IGSF10: variants seen among roughly 807,000 people sequenced by gnomAD.
The protein encoded by IGSF10 is immunoglobulin superfamily member 10.
IGSF10 carries 126 observed loss-of-function variants against 128.2 expected under a neutral mutation model. That is an observed-to-expected ratio of 0.98 (90% CI 0.85 to 1.14). The LOEUF (loss-of-function observed/expected upper bound fraction) is 1.14, where lower values mean the gene tolerates loss of function less well. Among genes scored for constraint, IGSF10 ranks in the 50% most tolerant of loss-of-function variants. The pLI is 0.00. For synonymous variants in IGSF10, 1,185 were observed against 1,146.2 expected (o/e 1.03, Z -0.68); for missense variants, 3,295 against 3,149.8 (o/e 1.05, Z -1.10).
chr3:151,604,514 A>G, the IGSF10 span, among the ~76,000 whole-genome samples: 295 of 151,716 alleles, frequency 1.9e-3, no homozygotes, highest in African/African-American at 6.7e-3. Flanking sequence ...TAATTCTTGA[A>G]AGATTGTATT....
the IGSF10 span, among the ~76,000 whole-genome samples, chr3:151,471,447 G>A: frequency 2.6e-5 from 4 of 152,100 alleles, no homozygotes; most frequent in East Asian, 5.8e-4. Context: ...GAAAATTTCA[G>A]GCAAGATACA....
At chr3:151,522,486 T>TCC in the IGSF10 span, among the ~76,000 whole-genome samples, 3 of 152,150 alleles carry the variant, frequency 2.0e-5, no homozygotes, top group Non-Finnish European at 2.9e-5. Flanking sequence ...AGAAAGCTAA[T>TCC]CCACTACAAT....
chr3:151,558,913 T>C, the IGSF10 span, among the ~76,000 whole-genome samples: 1 of 152,114 alleles, frequency 6.6e-6, no homozygotes. Context: ...TACAGTCACA[T>C]GTTTCCACCT....
chr3:151,461,861 T>C (rs531313836), upstream of IGSF10, among the ~76,000 whole-genome samples: 4 of 152,354 alleles, frequency 2.6e-5, no homozygotes, highest in African/African-American at 9.6e-5. Context: ...TTATTTCACT[T>C]GGCATAATGT....
the IGSF10 span, among the ~76,000 whole-genome samples, chr3:151,574,563 T>G: frequency 6.6e-6 from 1 of 152,240 alleles, no homozygotes; most frequent in Admixed American, 6.5e-5. Context: ...GGTTTTCAGC[T>G]CCATTAGGTC....
the IGSF10 span, among the ~76,000 whole-genome samples, chr3:151,505,502 T>C: frequency 4.6e-5 from 7 of 152,290 alleles, no homozygotes; most frequent in South Asian, 1.0e-3. Context: ...TAGAACTGAA[T>C]AGAACTGGTT....
At chr3:151,441,566 T>C (rs1720847453) in intron 7 of IGSF10, among the ~76,000 whole-genome samples, 1 of 152,184 alleles carries the variant, frequency 6.6e-6, no homozygotes, top group African/African-American at 2.4e-5. Context: ...GAGTACAAAT[T>C]CACATTTACT....
At position 151,446,372 on chromosome 3, in the gene IGSF10, A is replaced by G; in HGVS notation, c.3609T>C (p.Ile1203=). ...IAITRFSRRK[I]PWQQNFVNNH... is the part of the protein sequence containing the mutation. ...TATTTACAAAGTTCTGTTGCCAGGG[A>G]ATTTTCCTTCTTGAAAACCTTGTAA... The change falls in exon 6 of 8, where the codon ATT becomes ATC. Residue 1203 remains isoleucine, a synonymous_variant. Transcript: ENST00000282466. 1.2e-6 allele frequency: 2 copies of G among 1,612,898 alleles called. No individual in the cohort carries two copies. Among genetic ancestry groups the G allele is most frequent in the Non-Finnish European group, 1.7e-6 (2 of 1,179,016 alleles).
the IGSF10 span, among the ~76,000 whole-genome samples, chr3:151,606,881 A>T: frequency 6.6e-6 from 1 of 152,162 alleles, no homozygotes; most frequent in Non-Finnish European, 1.5e-5. Context: ...CTCTAAAAGC[A>T]CCTTGACTAA....
At chr3:151,546,659 T>C in the IGSF10 span, among the ~76,000 whole-genome samples, 1 of 152,180 alleles carries the variant, frequency 6.6e-6, no homozygotes. Context: ...CAACATTATA[T>C]ACACATAAAT....
intron 4 of IGSF10, among the ~76,000 whole-genome samples, chr3:151,454,207 G>A (rs987867006): frequency 2.6e-5 from 4 of 151,722 alleles, no homozygotes; most frequent in Admixed American, 1.3e-4. Flanking sequence ...TAGTAGAGAT[G>A]GGGTTTCACC....
the IGSF10 span, among the ~76,000 whole-genome samples, chr3:151,576,150 A>G: frequency 1.3e-5 from 2 of 151,692 alleles, no homozygotes; most frequent in East Asian, 1.9e-4. Flanking sequence ...AGTTTCTGCT[A>G]TATCAAGTAG....
the IGSF10 span, among the ~76,000 whole-genome samples, chr3:151,487,577 C>A: frequency 6.6e-6 from 1 of 152,158 alleles, no homozygotes; most frequent in African/African-American, 2.4e-5. Context: ...ATGCAAAAAT[C>A]CTCAATAAAA....
At chr3:151,603,212 CAGA>C in the IGSF10 span, among the ~76,000 whole-genome samples, 1 of 152,180 alleles carries the variant, frequency 6.6e-6, no homozygotes, top group African/African-American at 2.4e-5. Flanking sequence ...TTTCTGAAAA[CAGA>C]AGGCCTCACT....
At chr3:151,507,691 T>G in the IGSF10 span, among the ~76,000 whole-genome samples, 1 of 152,078 alleles carries the variant, frequency 6.6e-6, no homozygotes, top group African/African-American at 2.4e-5. Flanking sequence ...GAACTCACTA[T>G]CATAAGAACA....
chr3:151,440,950 A>C (rs1181946722), intron 7 of IGSF10, among the ~76,000 whole-genome samples: 2 of 152,198 alleles, frequency 1.3e-5, no homozygotes, highest in Non-Finnish European at 1.5e-5. Context: ...CTCGCCAAGG[A>C]TGTAGAAACC....
chr3:151,534,740 A>C, the IGSF10 span, among the ~76,000 whole-genome samples: 1 of 151,682 alleles, frequency 6.6e-6, no homozygotes, highest in African/African-American at 2.4e-5. Context: ...CCACCACGGC[A>C]TGTGTGTACC....
In IGSF10 at chr3:151,443,786, A is replaced by T. The variant is rs749072183; in HGVS notation, c.5161T>A (p.Tyr1721Asn). The T allele has an allele frequency of 1.2e-6, 2 of 1,614,144 alleles. No homozygotes were observed. Among genetic ancestry groups the T allele is most frequent in the South Asian group, 2.2e-5 (2 of 91,086 alleles). Residue 1721 changes from tyrosine (Y) to asparagine (N), a missense_variant, in exon 7 of 8, where the codon TAC becomes AAC. Coordinates refer to ENST00000282466, the MANE Select transcript of IGSF10 (RefSeq NM_178822.5). Reference sequence around the variant, plus strand: ...AACAGATTGGATGCGGAACACAAGTACTGTCCGCGGTCCTGAATTTCCACC... The same window carrying T: ...AACAGATTGGATGCGGAACACAAGTTCTGTCCGCGGTCCTGAATTTCCACC... ...QRVEIQDRGQ[Y>N]LCSASNLFGT...
chr3:151,595,275 C>T, the IGSF10 span, among the ~76,000 whole-genome samples: 1 of 151,846 alleles, frequency 6.6e-6, no homozygotes, highest in Non-Finnish European at 1.5e-5. Context: ...GGTATATACC[C>T]AAGGGAAATG....
Sources: allele counts gnomAD v4.1 joint callset (sites outside exome capture counted in the v4.1 genomes callset), GRCh38; gene constraint gnomAD v4.1.1; transcripts MANE v1.5; gene names NCBI Gene and HGNC (gene_info 2026-07-23, HGNC 2026-07-21).